GET4: variants seen among roughly 807,000 people sequenced by gnomAD.
GET4 encodes guided entry of tail-anchored proteins factor 4.
In GET4, 20 loss-of-function variants were observed where a neutral mutation model predicts 40.0. The observed-to-expected ratio is 0.50, with a 90% CI of 0.35 to 0.73. GET4 has a LOEUF of 0.73. Ranked by LOEUF, GET4 falls within the 30% of genes least tolerant of loss-of-function variation. The probability of loss-of-function intolerance (pLI) is 0.01; values close to 1 mark genes in which losing one functional copy is unlikely to be tolerated. For synonymous variants in GET4, 280 were observed against 194.6 expected, an observed-to-expected ratio of 1.44 and a Z score of -3.65; for missense variants, 557 against 454.0, an observed-to-expected ratio of 1.23 and a Z score of -2.06.
At chr7:887,882 ATCT>A (rs1398558964) in intron 4 of GET4, among the ~76,000 whole-genome samples, 3 of 152,040 alleles carry the variant, frequency 2.0e-5, no homozygotes, top group Non-Finnish European at 4.4e-5. Flanking sequence ...CGCTGACCTC[ATCT>A]TCTGATGAAG....
At chr7:895,252 G>C (rs540387865) in intron 8 of GET4, 82 bp from the exon 9 acceptor site, 26 of 699,368 alleles carry the variant, frequency 3.7e-5, no homozygotes, top group Admixed American at 1.1e-4. Context: ...GGGACACCTT[G>C]TGAGACGTTT....
intron 1 of GET4, 33 bp downstream of exon 1, chr7:876,833 G>GCCCGCC: frequency 9.1e-7 from 1 of 1,100,612 alleles, no homozygotes; most frequent in African/African-American, 1.7e-5. Context: ...GCAGCCCAGC[G>GCCCGCC]CCCGCCCCCG....
At chr7:884,190 C>G (rs905591343) in intron 1 of GET4, 2 of 1,301,174 alleles carry the variant, frequency 1.5e-6, no homozygotes, top group Non-Finnish European at 2.0e-6. Context: ...GTGGTGCTTG[C>G]TCAGGGTCGG....
intron 2 of GET4, 167 bp downstream of exon 2, chr7:886,301 C>G: frequency 1.6e-6 from 1 of 618,700 alleles, no homozygotes; most frequent in Non-Finnish European, 2.9e-6. Flanking sequence ...CTTGGCTGCT[C>G]CACTCTCAAG....
intron 3 of GET4, 186 bp from the exon 4 acceptor site, chr7:887,184 G>A (rs756009347): frequency 2.6e-6 from 2 of 760,688 alleles, no homozygotes; most frequent in Admixed American, 1.9e-5. Flanking sequence ...GCTGTGCTCT[G>A]GGGCACATGG....
At chr7:886,360 G>C in intron 2 of GET4, 2 of 607,610 alleles carry the variant, frequency 3.3e-6, no homozygotes, top group Non-Finnish European at 2.9e-6. Context: ...AGAGGGCGTT[G>C]TGTTGGTATA....
intron 8 of GET4, among the ~76,000 whole-genome samples, chr7:894,456 T>C (rs535834158): frequency 2.6e-5 from 4 of 152,094 alleles, no homozygotes; most frequent in Non-Finnish European, 5.9e-5. Flanking sequence ...CTGTCTGGGT[T>C]TATTTTAGTG....
rs978302080 is a variant in GET4, at chr7:895,632, C to G, written c.*210C>G. On this transcript the variant is annotated 3_prime_UTR_variant, in exon 9 of 9. Coordinates refer to ENST00000265857, the MANE Select transcript of GET4 (RefSeq NM_015949.3). ...GGGACCCAAGAGTGGGGCGTCGCCC[C>G]TGCTGGCCGCCGCGTCCCCCGAGAT... 1.2e-5 allele frequency: 5 copies of G among 427,028 alleles called. No individual in the cohort carries two copies. Among genetic ancestry groups the G allele is most frequent in the African/African-American group, 2.1e-5 (1 of 48,584 alleles). The allele number at this position is 427,028 out of a possible 1,614,324, so 26.5% of individuals were successfully genotyped here.
chr7:893,062 GGT>G (rs1308231091), intron 6 of GET4, among the ~76,000 whole-genome samples: 1 of 144,638 alleles, frequency 6.9e-6, no homozygotes, highest in Non-Finnish European at 1.5e-5. Context: ...GTGTGGGCGT[GGT>G]GGTGTGTGCA....
chr7:893,655 T>C (rs367871563), intron 6 of GET4, 85 bp from the exon 7 acceptor site: 8,725 of 821,854 alleles, frequency 0.011, 100 homozygotes, highest in African/African-American at 0.031. Context: ...TGCAGGTGAG[T>C]GTTGGGCGCA....
intron 1 of GET4, chr7:884,204 A>C: frequency 1.5e-6 from 2 of 1,303,552 alleles, no homozygotes; most frequent in African/African-American, 1.5e-5. Context: ...GGGTCGGTGC[A>C]TGCGGTTCTG....
chr7:888,297 C>T (rs184860030), intron 4 of GET4, among the ~76,000 whole-genome samples: 60 of 152,330 alleles, frequency 3.9e-4, no homozygotes, highest in Non-Finnish European at 8.1e-4. Flanking sequence ...CAGTGTGGCG[C>T]GGGAGCAGCT....
At chr7:880,539 T>A (rs893012099) in intron 1 of GET4, 1 of 152,264 alleles carries the variant, frequency 6.6e-6, no homozygotes, top group African/African-American at 2.4e-5. Flanking sequence ...CCTTAAGCCC[T>A]CTAGACAGCA....
chr7:886,500 C>A, intron 2 of GET4, 69 bp from the exon 3 acceptor site: 1 of 1,173,308 alleles, frequency 8.5e-7, no homozygotes, highest in Non-Finnish European at 1.3e-6. Flanking sequence ...GGAAACCCAG[C>A]CTTGTCTTTG....
At chr7:894,576 C>T (rs898452420) in intron 8 of GET4, among the ~76,000 whole-genome samples, 4 of 152,282 alleles carry the variant, frequency 2.6e-5, no homozygotes, top group South Asian at 2.1e-4. Context: ...CTGGCCCTCA[C>T]CGTGCCCCGT....
chr7:888,040 G>T (rs1585496062), intron 4 of GET4, among the ~76,000 whole-genome samples: 1 of 152,142 alleles, frequency 6.6e-6, no homozygotes. Context: ...TGCTAATGGG[G>T]GTTTAGAAGC....
Position 893,723 on chromosome 7 carries a change from G to A in GET4, c.747-17G>A, listed in dbSNP as rs763846090. The A allele has an allele frequency of 1.9e-6, 3 of 1,566,638 alleles. No homozygotes were observed. The highest frequency in any genetic ancestry group is 1.7e-5 in the Admixed American group (1 of 58,614). ...TGTTCTGCTCACCCAGCACATCCCT[G>A]TGTGTCTCTGTCCCAGTGGGAAGCT... On this transcript the variant is annotated splice_polypyrimidine_tract_variant and intron_variant, in intron 6 of 8. Coordinates refer to ENST00000265857, the MANE Select transcript of GET4 (RefSeq NM_015949.3).
In GET4 at chr7:895,665, C is replaced by T. The variant is rs1043207627; in HGVS notation, c.*243C>T. The T allele has an allele frequency of 2.8e-5, 11 of 389,878 alleles. No individual in the cohort carries two copies. The highest frequency in any genetic ancestry group is 4.7e-5 in the Non-Finnish European group (10 of 214,226). 24.2% of individuals were successfully genotyped at this position (389,878 alleles called of 1,614,324 possible). A position where few individuals can be genotyped will look rare whatever the true frequency, so the allele number is the denominator to read the frequency against. Reference sequence around the variant, plus strand: ...CGCCGCGTCCCCCGAGATTGACCCACAATAAAGCACAGGCCTTACCGCGGC... The same window carrying T: ...CGCCGCGTCCCCCGAGATTGACCCATAATAAAGCACAGGCCTTACCGCGGC... On this transcript the variant is annotated 3_prime_UTR_variant, in exon 9 of 9. Coordinates refer to ENST00000265857, the MANE Select transcript of GET4 (RefSeq NM_015949.3).
In GET4 at chr7:890,911, C is replaced by T. The variant is rs1250263716; in HGVS notation, c.467-17C>T. The T allele has an allele frequency of 1.9e-6, 3 of 1,574,894 alleles. No individual in the cohort carries two copies. The highest frequency in any genetic ancestry group is 2.2e-5 in the East Asian group (1 of 44,640). The stretch of plus-strand genomic sequence containing the variant: ...ATTCGTGAAATGTATTTACATTTTT[C>T]TGTCTTTCCTTTGCAGAACAAAACT... On this transcript the variant is annotated splice_polypyrimidine_tract_variant and intron_variant, in intron 4 of 8. Coordinates refer to ENST00000265857, the MANE Select transcript of GET4 (RefSeq NM_015949.3).
Sources: gnomAD v4.1 joint callset for allele counts (sites outside exome capture counted in the v4.1 genomes callset) on GRCh38, gnomAD v4.1.1 for gene constraint, MANE v1.5 for transcripts, NCBI Gene and HGNC (gene_info 2026-07-23, HGNC 2026-07-21) for gene names.